The following ZNF385C variants were observed in gnomAD, a reference collection of about 807,000 sequenced individuals.
ZNF385C encodes zinc finger protein 385C.
In ZNF385C, 28 loss-of-function variants were observed where a neutral mutation model predicts 35.4. The observed-to-expected ratio is 0.79, with a 90% CI of 0.59 to 1.08. The LOEUF (loss-of-function observed/expected upper bound fraction) is 1.08. Ranked by LOEUF, ZNF385C falls within the 50% of genes least tolerant of loss-of-function variation. The pLI, the probability that ZNF385C is intolerant of heterozygous loss-of-function variation, is 0.00. For missense variants in ZNF385C, 605 were observed against 595.6 expected (o/e 1.02, Z -0.16); for synonymous variants, 248 against 248.2 (o/e 1.00, Z 0.01).
chr17:42,070,506 G>A (rs2053609157), intron 1 of ZNF385C, among the ~76,000 whole-genome samples: 1 of 152,178 alleles, frequency 6.6e-6, no homozygotes, highest in Non-Finnish European at 1.5e-5. Context: ...AAGGCAGGGT[G>A]GGTGCACCTG....
Position 42,028,099 on chromosome 17 carries a change from T to G in ZNF385C, c.1115A>C (p.His372Pro). The G allele has an allele frequency of 1.9e-6, 3 of 1,613,620 alleles. No individual in the cohort carries two copies. Among genetic ancestry groups the G allele is most frequent in the South Asian group, 2.2e-5 (2 of 91,074 alleles). The change falls in exon 7 of 9, where the codon CAC becomes CCC. Residue 372 changes from histidine to proline, a missense_variant. Coordinates refer to ENST00000692273, the MANE Select transcript of ZNF385C (RefSeq NM_001392013.1). ...GGRQGPSPAF[H>P]CALCQLQVNS... ...GACCTGGAGCTGACAGAGAGCACAG[T>G]GGAAGGCAGGGCTGGGCCCCTGCCG...
At chr17:42,029,772 G>A (rs1178675945) in intron 5 of ZNF385C, among the ~76,000 whole-genome samples, 1 of 151,974 alleles carries the variant, frequency 6.6e-6, no homozygotes, top group Admixed American at 6.6e-5. Flanking sequence ...AGTGGCTCAC[G>A]CCTGTGATCC....
At position 42,033,953 on chromosome 17, in the gene ZNF385C, A is replaced by T. The variant is rs546262475; in HGVS notation, c.510+272T>A. Among the ~76,000 whole-genome samples, 5 of 151,974 alleles carry T rather than the reference A, an allele frequency of 3.3e-5. No individual in the cohort carries two copies. In the South Asian group the frequency reaches 1.0e-3, roughly 32 times the overall value. On this transcript the variant is annotated intron_variant, in intron 4 of 8. Coordinates refer to ENST00000692273, the MANE Select transcript of ZNF385C (RefSeq NM_001392013.1). ...GGGCAGTCTTCTCTCTTGCAGAAGG[A>T]TCCAGAACACAGGAGAGAGGCCTGG...
In ZNF385C at chr17:42,096,418, TG is replaced by T. The variant is rs2053918488; in HGVS notation, c.-3+1991del. Among the ~76,000 whole-genome samples, 2 of 152,126 alleles carry T rather than the reference TG, an allele frequency of 1.3e-5. 1 individual carries two copies. Among genetic ancestry groups the T allele is most frequent in the South Asian group, 4.1e-4 (2 of 4,830 alleles). On this transcript the variant is annotated intron_variant, in intron 1 of 8. Transcript: ENST00000692273. ...ATGCCTCATCCCACAGGGAGAGGAC[TG>T]GCAGCAGGAGGGCCAGAGTGGAGCC...
intron 2 of ZNF385C, among the ~76,000 whole-genome samples, chr17:42,053,958 G>A (rs1030218625): frequency 1.3e-5 from 2 of 152,168 alleles, no homozygotes; most frequent in South Asian, 2.1e-4. Context: ...GGGAGGGCGC[G>A]AGGGAGGGAC....
intron 1 of ZNF385C, among the ~76,000 whole-genome samples, chr17:42,083,006 GGTGGA>G (rs1215723047): frequency 2.0e-5 from 3 of 152,004 alleles, no homozygotes; most frequent in African/African-American, 7.2e-5. Context: ...GAACCCGGGA[GGTGGA>G]GGTTGCAGTG....
intron 1 of ZNF385C, among the ~76,000 whole-genome samples, chr17:42,080,148 T>TATTA (rs1555659617): frequency 6.6e-6 from 1 of 152,150 alleles, no homozygotes; most frequent in Non-Finnish European, 1.5e-5. Context: ...CTCTCCAGAA[T>TATTA]ATTAGCTGCA....
chr17:42,087,677 G>T (rs1439822468), intron 1 of ZNF385C, among the ~76,000 whole-genome samples: 1 of 152,184 alleles, frequency 6.6e-6, no homozygotes, highest in Non-Finnish European at 1.5e-5. Context: ...ATAAATCTCA[G>T]CACTTTGGGA....
At chr17:42,090,984 T>C (rs1459777401) in intron 1 of ZNF385C, among the ~76,000 whole-genome samples, 3 of 152,250 alleles carry the variant, frequency 2.0e-5, no homozygotes, top group South Asian at 2.1e-4. Context: ...AGGTGCTCCA[T>C]AAATATTGGT....
chr17:42,082,282 C>T (rs2053757640), intron 1 of ZNF385C, among the ~76,000 whole-genome samples: 1 of 152,236 alleles, frequency 6.6e-6, no homozygotes, highest in Non-Finnish European at 1.5e-5. Flanking sequence ...CAGTGATCCG[C>T]TCGCCTCAGC....
chr17:42,041,177 T>G (rs1555656102), intron 2 of ZNF385C: 1 of 1,232,298 alleles, frequency 8.1e-7, no homozygotes, highest in Non-Finnish European at 1.0e-6. Flanking sequence ...TGCAAGACAC[T>G]GGCAATGGCC....
In ZNF385C at chr17:42,063,041, T is replaced by C; in HGVS notation, c.16A>G (p.Ser6Gly). 1.5e-6 allele frequency: 1 copy of C among 654,420 alleles called. No individual in the cohort carries two copies. The highest frequency in any genetic ancestry group is 2.8e-5 in the East Asian group (1 of 36,042). 40.5% of individuals were successfully genotyped at this position (654,420 alleles called of 1,614,324 possible). A position where few individuals can be genotyped will look rare whatever the true frequency, so the allele number is the denominator to read the frequency against. Residue 6 changes from serine to glycine, a missense_variant, in exon 2 of 9, where the codon AGC becomes GGC. By Grantham distance (56) the Ser-to-Gly change is moderately conservative. Transcript: ENST00000692273. MKRPL[S>G]PPPPAEKETP... ...TCCTTCTCAGCCGGTGGGGGTGGGC[T>C]CAGTGGCCGCTTCATATCTGAGTGG...
chr17:42,029,432 G>C (rs1034460121), intron 5 of ZNF385C, among the ~76,000 whole-genome samples: 1 of 152,156 alleles, frequency 6.6e-6, no homozygotes, highest in Non-Finnish European at 1.5e-5. Context: ...AAAAACAATG[G>C]TGCGGGCTGG....
At chr17:42,081,010 C>T (rs556245883) in intron 1 of ZNF385C, among the ~76,000 whole-genome samples, 40 of 152,326 alleles carry the variant, frequency 2.6e-4, no homozygotes, top group African/African-American at 7.7e-4. Context: ...ATAGGGATAG[C>T]GTCTCCCTTT....
At position 42,083,594 on chromosome 17, in the gene ZNF385C, A is replaced by G. The variant is rs553383048; in HGVS notation, c.-3+14816T>C. On this transcript the variant is annotated intron_variant, in intron 1 of 8. Transcript: ENST00000692273. ...CCAAAAAACAAAGATTTTACATTTTACCAAGAAAATCCTGTGTTGTCTTTA... is the reference window on the plus strand; with the variant it reads ...CCAAAAAACAAAGATTTTACATTTTGCCAAGAAAATCCTGTGTTGTCTTTA... 2.0e-5 allele frequency among the ~76,000 whole-genome samples: 3 copies of G among 152,090 alleles called. No homozygotes were observed. In the East Asian group the frequency reaches 5.8e-4, roughly 29 times the overall value.
At chr17:42,031,825 G>T in intron 4 of ZNF385C, 41 bp from the exon 5 acceptor site, 1 of 1,543,232 alleles carries the variant, frequency 6.5e-7, no homozygotes. Flanking sequence ...CACTGGCTGA[G>T]TCCACATGCC....
chr17:42,059,783 G>A (rs181971692), intron 2 of ZNF385C, among the ~76,000 whole-genome samples: 5 of 152,212 alleles, frequency 3.3e-5, no homozygotes, highest in Admixed American at 1.3e-4. Context: ...TACCATGCCC[G>A]GCTAATTTTT....
At chr17:42,085,260 T>A (rs1053085397) in intron 1 of ZNF385C, among the ~76,000 whole-genome samples, 9 of 152,052 alleles carry the variant, frequency 5.9e-5, no homozygotes, top group African/African-American at 2.2e-4. Flanking sequence ...ATGGAGACCC[T>A]GTCTGCAAAA....
rs1488259384 is a variant in ZNF385C, at chr17:42,050,598, C to T, written c.250+12209G>A. The T allele has an allele frequency of 7.2e-5, 11 of 152,108 alleles. No homozygotes were observed. The highest frequency in any genetic ancestry group is 2.4e-4 in the African/African-American group (10 of 41,450). The allele number at this position is 152,108 out of a possible 1,614,324, so 9.4% of individuals were successfully genotyped here. A position where few individuals can be genotyped will look rare whatever the true frequency, so the allele number is the denominator to read the frequency against. On this transcript the variant is annotated intron_variant, in intron 2 of 8. Coordinates refer to ENST00000692273, the MANE Select transcript of ZNF385C (RefSeq NM_001392013.1). This position sits in a 1 kb window ranked among gnomAD's most constrained non-coding sequence, Gnocchi z 5.6. ...CCATCTTGGGCGGTGGACGCTCTGG[C>T]CGCGGTCTCCTTGGGCTCCACGGAG...
Sources: gnomAD v4.1 joint callset for allele counts (sites outside exome capture counted in the v4.1 genomes callset) on GRCh38, gnomAD v4.1.1 for gene constraint, Gnocchi (gnomAD v3.1) non-coding constraint, MANE v1.5 for transcripts, NCBI Gene and HGNC (gene_info 2026-07-23, HGNC 2026-07-21) for gene names.